The following KCNIP4 variants were observed in gnomAD, a reference collection of about 807,000 sequenced individuals.
KCNIP4 encodes potassium voltage-gated channel interacting protein 4, also known as Kv channel-interacting protein 4.
Under a neutral mutation model 34.0 loss-of-function variants are expected in KCNIP4, and 12 were observed. That is an observed-to-expected ratio of 0.35 (90% CI 0.23 to 0.57). KCNIP4 has a LOEUF of 0.57. KCNIP4 is among the 20% of genes least tolerant of loss of function. The probability of loss-of-function intolerance (pLI) is 0.83; values close to 1 mark genes in which losing one functional copy is unlikely to be tolerated. For synonymous variants in KCNIP4, 124 were observed against 102.2 expected, an observed-to-expected ratio of 1.21 and a Z score of -1.29; for missense variants, 238 against 311.7, an observed-to-expected ratio of 0.76 and a Z score of 1.78.
chr4:21,213,053 G>T (rs900549963), intron 1 of KCNIP4, among the ~76,000 whole-genome samples: 7 of 152,108 alleles, frequency 4.6e-5, no homozygotes, highest in Non-Finnish European at 8.8e-5. Context: ...TGTAAAGAAA[G>T]AAATAATAAC....
At chr4:21,415,814 C>G (rs549589902) in intron 1 of KCNIP4, among the ~76,000 whole-genome samples, 15 of 152,194 alleles carry the variant, frequency 9.9e-5, no homozygotes, top group African/African-American at 3.4e-4. Context: ...AACAAAGACC[C>G]TGGATGGAGC....
intron 1 of KCNIP4, among the ~76,000 whole-genome samples, chr4:21,339,848 T>C (rs1355431547): frequency 6.6e-6 from 1 of 152,182 alleles, no homozygotes; most frequent in African/African-American, 2.4e-5. Flanking sequence ...TTGAATTACA[T>C]AACTGGTGCT....
intron 1 of KCNIP4, among the ~76,000 whole-genome samples, chr4:21,019,381 C>T (rs1739839917): frequency 6.6e-6 from 1 of 152,166 alleles, no homozygotes. Flanking sequence ...TAGTCTTGAA[C>T]TCCTAACCTC....
intron 1 of KCNIP4, among the ~76,000 whole-genome samples, chr4:21,817,711 A>T (rs1044962619): frequency 2.0e-5 from 3 of 152,080 alleles, no homozygotes; most frequent in African/African-American, 7.2e-5. Context: ...GGACTGAGAT[A>T]TGTCCTGGTC....
rs1553932826 is a variant in KCNIP4 at position 21,798,584 on chromosome 4, A to AAGAAAGAAAG, written c.61+149986_61+149987insCTTTCTTTCT. On this transcript the variant is annotated intron_variant, in intron 1 of 8. Transcript: ENST00000382152. ...AGAAAAAGAAAGAAAGAAAGAAAGA[A>AAGAAAGAAAG]AGAGAAAAAATGCAAAGAGCCACTC... Among the ~76,000 whole-genome samples the AAGAAAGAAAG allele has an allele frequency of 7.6e-3, 1,081 of 142,474 alleles. 12 individuals carry two copies. The highest frequency in any genetic ancestry group is 0.023 in the South Asian group (109 of 4,646). 93.5% of individuals were successfully genotyped at this position (142,474 alleles called of 152,430 possible). A position where few individuals can be genotyped will look rare whatever the true frequency, so the allele number is the denominator to read the frequency against.
intron 1 of KCNIP4, among the ~76,000 whole-genome samples, chr4:21,051,974 C>T (rs1742972261): frequency 6.6e-6 from 1 of 152,138 alleles, no homozygotes; most frequent in South Asian, 2.1e-4. Context: ...AGTAGAATTG[C>T]TGGGAGTTCA....
At chr4:21,284,199 C>T (rs184847417) in intron 1 of KCNIP4, among the ~76,000 whole-genome samples, 172 of 148,922 alleles carry the variant, frequency 1.2e-3, no homozygotes, top group Non-Finnish European at 1.9e-3. Flanking sequence ...GGCGACAGAG[C>T]GAGACTCCGT....
chr4:21,838,556 A>G (rs1723484534), intron 1 of KCNIP4, among the ~76,000 whole-genome samples: 1 of 152,198 alleles, frequency 6.6e-6, no homozygotes, highest in African/African-American at 2.4e-5. Context: ...CCATCATTTT[A>G]TATCTATGGA....
chr4:21,311,647 C>CCACTGCACTCCGGTCTGGTGT (rs1553858426), intron 1 of KCNIP4, among the ~76,000 whole-genome samples: 1 of 151,910 alleles, frequency 6.6e-6, no homozygotes, highest in African/African-American at 2.4e-5. Context: ...CGAGATCATG[C>CCACTGCACTCCGGTCTGGTGT]CACTGCACTC....
rs373780685 is a variant in KCNIP4 at position 20,857,062 on chromosome 4, G to A, written c.164-6395C>T. 4.0e-4 allele frequency among the ~76,000 whole-genome samples: 57 copies of A among 141,836 alleles called. No individual in the cohort carries two copies. The East Asian group carries it at 8.0e-3, about 20-fold the overall frequency. 93.0% of individuals were successfully genotyped at this position (141,836 alleles called of 152,430 possible). Reference sequence around the variant, plus strand: ...GCAGTATTAAAAAAAAAAAAAAAACGCCCTTGAAGTGTCTGCCTGTGGGCT... The same window carrying A: ...GCAGTATTAAAAAAAAAAAAAAAACACCCTTGAAGTGTCTGCCTGTGGGCT... On this transcript the variant is annotated intron_variant, in intron 2 of 8. Transcript: ENST00000382152.
chr4:21,454,448 C>A (rs1377239833), intron 1 of KCNIP4, among the ~76,000 whole-genome samples: 2 of 152,078 alleles, frequency 1.3e-5, no homozygotes, highest in African/African-American at 4.8e-5. Flanking sequence ...TTTGACAGTG[C>A]AATTCACTGG....
At chr4:20,876,571 CT>C (rs375545857) in intron 2 of KCNIP4, among the ~76,000 whole-genome samples, 66 of 146,216 alleles carry the variant, frequency 4.5e-4, no homozygotes, top group Middle Eastern at 3.5e-3. Flanking sequence ...GGGAAGAAAT[CT>C]TTTTTTTTTT....
At chr4:21,765,044 C>T (rs1296539198) in intron 1 of KCNIP4, among the ~76,000 whole-genome samples, 1 of 151,998 alleles carries the variant, frequency 6.6e-6, no homozygotes, top group East Asian at 1.9e-4. Context: ...TTAAATTGAG[C>T]TACTCTCAGG....
intron 3 of KCNIP4, among the ~76,000 whole-genome samples, chr4:20,779,586 C>CT (rs560534843): frequency 3.0e-5 from 4 of 135,064 alleles, no homozygotes; most frequent in Non-Finnish European, 6.5e-5. Flanking sequence ...ACCCCCCCCC[C>CT]CCACACAAAA....
chr4:21,566,345 C>T (rs1428523009), intron 1 of KCNIP4, among the ~76,000 whole-genome samples: 10 of 152,028 alleles, frequency 6.6e-5, no homozygotes. Context: ...ATTGTAATTC[C>T]CAGTGTTGGA....
At chr4:21,459,340 A>G (rs1227055425) in intron 1 of KCNIP4, among the ~76,000 whole-genome samples, 1 of 152,078 alleles carries the variant, frequency 6.6e-6, no homozygotes, top group East Asian at 1.9e-4. Context: ...GGTTTCCATG[A>G]CATTAAACTG....
intron 1 of KCNIP4, among the ~76,000 whole-genome samples, chr4:21,723,511 T>C (rs1714975740): frequency 6.6e-6 from 1 of 152,062 alleles, no homozygotes; most frequent in Non-Finnish European, 1.5e-5. Flanking sequence ...AGAAGAAATA[T>C]TGAGTTCAGT....
intron 1 of KCNIP4, among the ~76,000 whole-genome samples, chr4:21,811,044 C>T (rs769120891): frequency 1.3e-5 from 2 of 152,160 alleles, no homozygotes; most frequent in Non-Finnish European, 2.9e-5. Context: ...ACAGAGTAGG[C>T]AGCATTAGTC....
chr4:21,869,779 TAGATAGAC>T (rs1223101466), intron 1 of KCNIP4, among the ~76,000 whole-genome samples: 90 of 121,842 alleles, frequency 7.4e-4, no homozygotes, highest in African/African-American at 2.3e-3. Flanking sequence ...GATAGATAGA[TAGATAGAC>T]AGACAGACAG....
Sources: gnomAD v4.1 joint callset for allele counts (sites outside exome capture counted in the v4.1 genomes callset) on GRCh38, gnomAD v4.1.1 for gene constraint, MANE v1.5 for transcripts, NCBI Gene and HGNC (gene_info 2026-07-23, HGNC 2026-07-21) for gene names.